The following MAN1A2 variants were observed in gnomAD, a reference collection of about 807,000 sequenced individuals.
The protein encoded by MAN1A2 is mannosyl-oligosaccharide 1,2-alpha-mannosidase IB.
A neutral mutation model predicts 75.7 loss-of-function variants in MAN1A2; 26 were observed. That is an observed-to-expected ratio of 0.34 (90% confidence interval 0.25 to 0.48). The LOEUF (loss-of-function observed/expected upper bound fraction) is 0.48, where lower values mean the gene tolerates loss of function less well. Ranked by LOEUF, MAN1A2 falls within the 20% of genes least tolerant of loss-of-function variation. The pLI is 0.99. For missense variants in MAN1A2, 562 were observed against 775.5 expected (o/e 0.72, Z 3.27); for synonymous variants, 247 against 264.6 (o/e 0.93, Z 0.65).
At chr1:117,448,261 G>T (rs746347608) in intron 6 of MAN1A2, among the ~76,000 whole-genome samples, 7 of 149,784 alleles carry the variant, frequency 4.7e-5, no homozygotes, top group Non-Finnish European at 8.8e-5. Context: ...ATGTTTTAAA[G>T]AAAGAAAATA....
intron 3 of MAN1A2, among the ~76,000 whole-genome samples, chr1:117,406,407 T>G (rs1293264767): frequency 6.6e-6 from 1 of 152,178 alleles, no homozygotes; most frequent in Non-Finnish European, 1.5e-5. Flanking sequence ...AGTCACAAAC[T>G]AGTTATATGC....
At chr1:117,516,099 A>G (rs951736728) in intron 12 of MAN1A2, among the ~76,000 whole-genome samples, 1 of 152,080 alleles carries the variant, frequency 6.6e-6, no homozygotes, top group Non-Finnish European at 1.5e-5. Flanking sequence ...GCTTCCCTCC[A>G]TTATTCCTAA....
chr1:117,512,174 G>C (rs923982459), intron 12 of MAN1A2, among the ~76,000 whole-genome samples: 1 of 152,104 alleles, frequency 6.6e-6, no homozygotes, highest in Non-Finnish European at 1.5e-5. Flanking sequence ...GATAAAGCAA[G>C]AAGAAGGGAC....
intron 5 of MAN1A2, among the ~76,000 whole-genome samples, chr1:117,421,225 A>G (rs1365595149): frequency 6.6e-6 from 1 of 152,082 alleles, no homozygotes; most frequent in Non-Finnish European, 1.5e-5. Flanking sequence ...GGAGAAAGAG[A>G]AACTAAAGGA....
At position 117,382,148 on chromosome 1, in the gene MAN1A2, C is replaced by T. The variant is rs183404290; in HGVS notation, c.302+13663C>T. Among the ~76,000 whole-genome samples the T allele has an allele frequency of 1.8e-4, 28 of 152,206 alleles. No individual in the cohort carries two copies. The Middle Eastern group carries it at 0.01, about 55-fold the overall frequency. On this transcript the variant is annotated intron_variant, in intron 1 of 12. Coordinates refer to ENST00000356554, the MANE Select transcript of MAN1A2 (RefSeq NM_006699.5). ...TTTGTAGGTTGCTCGTTCACTCTGACGGTAGTTTCTTTTGCTGTGCAGAAG... is the reference window on the plus strand; with the variant it reads ...TTTGTAGGTTGCTCGTTCACTCTGATGGTAGTTTCTTTTGCTGTGCAGAAG...
Position 117,502,989 on chromosome 1 carries a change from A to G in MAN1A2, c.1793+19A>G. 2 of 1,356,134 alleles carry G rather than the reference A, an allele frequency of 1.5e-6. No homozygotes were observed. The highest frequency in any genetic ancestry group is 2.1e-6 in the Non-Finnish European group (2 of 974,792). 84.0% of individuals were successfully genotyped at this position (1,356,134 alleles called of 1,614,324 possible). A position where few individuals can be genotyped will look rare whatever the true frequency, so the allele number is the denominator to read the frequency against. ...CATTAAAGTAAGTATATAGCTTTAA[A>G]AAATATTTTTATACTAGACTGGTTT... On this transcript the variant is annotated intron_variant, in intron 12 of 12. Coordinates refer to ENST00000356554, the MANE Select transcript of MAN1A2 (RefSeq NM_006699.5).
intron 6 of MAN1A2, among the ~76,000 whole-genome samples, chr1:117,445,888 A>ATATATATATATATATATATG (rs1553235503): frequency 7.7e-5 from 11 of 143,618 alleles, no homozygotes; most frequent in South Asian, 6.6e-4. Flanking sequence ...GTGTGTGTAT[A>ATATATATATATATATATATG]TATATATATA....
At chr1:117,386,824 C>A (rs370540367) in intron 1 of MAN1A2, among the ~76,000 whole-genome samples, 1 of 124,152 alleles carries the variant, frequency 8.1e-6, no homozygotes, top group Non-Finnish European at 1.7e-5. Context: ...TCCACGTAAT[C>A]GGGAGGATCA....
chr1:117,474,773 AAATCATGATCAC>A (rs2101851732), intron 8 of MAN1A2, among the ~76,000 whole-genome samples: 1 of 152,094 alleles, frequency 6.6e-6, no homozygotes, highest in East Asian at 1.9e-4. Flanking sequence ...ACACCTATGG[AAATCATGATCAC>A]AATCAAAATA....
At chr1:117,441,706 A>G (rs769041292) in intron 5 of MAN1A2, among the ~76,000 whole-genome samples, 52 of 152,330 alleles carry the variant, frequency 3.4e-4, no homozygotes, top group Middle Eastern at 3.4e-3. Flanking sequence ...CCAAAAAAGC[A>G]GCAATTGGAA....
At chr1:117,385,273 C>T (rs932257432) in intron 1 of MAN1A2, among the ~76,000 whole-genome samples, 1 of 152,174 alleles carries the variant, frequency 6.6e-6, no homozygotes. Flanking sequence ...GAGACAAGCT[C>T]TCTTCACCTG....
chr1:117,506,468 C>T (rs1651374905), intron 12 of MAN1A2, among the ~76,000 whole-genome samples: 1 of 151,462 alleles, frequency 6.6e-6, no homozygotes, highest in African/African-American at 2.4e-5. Flanking sequence ...CCTCAATAGA[C>T]CTTACTTCAT....
At chr1:117,434,789 GTGTGTGTA>G (rs1262193444) in intron 5 of MAN1A2, among the ~76,000 whole-genome samples, 3 of 138,892 alleles carry the variant, frequency 2.2e-5, no homozygotes, top group African/African-American at 8.6e-5. Context: ...GTGTGTGTGT[GTGTGTGTA>G]TCCATTCAGT....
At chr1:117,412,354 T>A (rs1015618530) in intron 3 of MAN1A2, among the ~76,000 whole-genome samples, 1 of 151,738 alleles carries the variant, frequency 6.6e-6, no homozygotes, top group African/African-American at 2.4e-5. Flanking sequence ...GTTACATTTT[T>A]ATTTATTTTG....
intron 12 of MAN1A2, among the ~76,000 whole-genome samples, chr1:117,511,221 G>A (rs368763519): frequency 2.0e-5 from 3 of 152,152 alleles, no homozygotes; most frequent in South Asian, 2.1e-4. Context: ...CCACCCCCAT[G>A]ATCCAGTCAC....
intron 8 of MAN1A2, 24 bp downstream of exon 8, chr1:117,466,451 G>C: frequency 1.4e-6 from 2 of 1,438,088 alleles, no homozygotes; most frequent in African/African-American, 1.5e-5. Context: ...TATACCTGAG[G>C]CTTTCTTAAA....
intron 5 of MAN1A2, among the ~76,000 whole-genome samples, chr1:117,441,109 C>T (rs1453319897): frequency 6.6e-6 from 1 of 151,966 alleles, no homozygotes; most frequent in Non-Finnish European, 1.5e-5. Flanking sequence ...GAAGCTTGTG[C>T]CTTGTTGAGG....
Position 117,523,052 on chromosome 1 carries a change from T to C in MAN1A2, c.*95T>C. On this transcript the variant is annotated 3_prime_UTR_variant, in exon 13 of 13. Coordinates refer to ENST00000356554, the MANE Select transcript of MAN1A2 (RefSeq NM_006699.5). ...GGGGCGGCTTTTGAAAACCTGGACCTCTATGTCAACATGACAGGGTGAAAC... is the reference window on the plus strand; with the variant it reads ...GGGGCGGCTTTTGAAAACCTGGACCCCTATGTCAACATGACAGGGTGAAAC... 16 of 1,330,682 alleles carry C rather than the reference T, an allele frequency of 1.2e-5. No homozygotes were observed. The South Asian group carries it at 2.0e-4, about 16-fold the overall frequency. The allele number at this position is 1,330,682 out of a possible 1,614,324, so 82.4% of individuals were successfully genotyped here.
Position 117,505,308 on chromosome 1 carries a change from T to C in MAN1A2, c.1793+2338T>C, listed in dbSNP as rs1651323337. On this transcript the variant is annotated intron_variant, in intron 12 of 12. Coordinates refer to ENST00000356554, the MANE Select transcript of MAN1A2 (RefSeq NM_006699.5). ...TCTCATCATTACAACTTGGAGCACT[T>C]TAGTACATGCATGGCATAGGGCTGG... Among the ~76,000 whole-genome samples, 2 of 151,274 alleles carry C rather than the reference T, an allele frequency of 1.3e-5. 1 individual carries two copies. The highest frequency in any genetic ancestry group is 4.2e-4 in the South Asian group (2 of 4,818).
Sources: gnomAD v4.1 joint callset for allele counts (sites outside exome capture counted in the v4.1 genomes callset) on GRCh38, gnomAD v4.1.1 for gene constraint, MANE v1.5 for transcripts, NCBI Gene and HGNC (gene_info 2026-07-23, HGNC 2026-07-21) for gene names.